Variants in THSD7B observed in about 807,000 individuals in gnomAD.
The protein encoded by THSD7B is thrombospondin type 1 domain containing 7B.
In THSD7B, 138 loss-of-function variants were observed where a neutral mutation model predicts 213.6. The ratio of observed to expected loss-of-function variants is 0.65; its 90% CI spans 0.56 to 0.74. The LOEUF is 0.74. Among genes scored for constraint, THSD7B ranks in the 30% least tolerant of loss-of-function variants. THSD7B has a pLI of 0.00. For synonymous variants in THSD7B, 742 were observed against 687.0 expected (o/e 1.08, Z -1.25); for missense variants, 1,931 against 1,991.5 (o/e 0.97, Z 0.58).
intron 7 of THSD7B, among the ~76,000 whole-genome samples, chr2:137,187,027 T>TA (rs1680564785): frequency 1.3e-5 from 2 of 148,550 alleles, no homozygotes; most frequent in Admixed American, 1.3e-4. Context: ...CTAGTGCCTT[T>TA]AAAAAATTAT....
At chr2:137,417,684 A>C (rs916225605) in intron 14 of THSD7B, among the ~76,000 whole-genome samples, 1 of 152,064 alleles carries the variant, frequency 6.6e-6, no homozygotes, top group African/African-American at 2.4e-5. Flanking sequence ...CCTCCCACCA[A>C]GGCCTCTCAA....
chr2:137,618,130 G>T (rs1248120496), intron 18 of THSD7B, among the ~76,000 whole-genome samples: 1 of 152,126 alleles, frequency 6.6e-6, no homozygotes, highest in Non-Finnish European at 1.5e-5. Context: ...ACTCCAGCCA[G>T]CCATGAGATG....
chr2:137,049,309 G>T lies in THSD7B; in HGVS notation c.140-7111G>T, dbSNP rs545427750. ...TAAATATGTTTTACCCAATGGCTTT[G>T]CAAGCCCCATTTGCTCAAGGGATAT... On this transcript the variant is annotated intron_variant, in intron 2 of 27. Transcript: ENST00000409968. Among the ~76,000 whole-genome samples, 7 of 148,060 alleles carry T rather than the reference G, an allele frequency of 4.7e-5. 1 individual carries two copies. In the South Asian group the frequency reaches 1.7e-3, roughly 35 times the overall value.
intron 1 of THSD7B, among the ~76,000 whole-genome samples, chr2:136,856,952 A>C (rs1683189000): frequency 6.6e-6 from 1 of 152,222 alleles, no homozygotes; most frequent in Non-Finnish European, 1.5e-5. Context: ...ACTTTTCTGA[A>C]GTTTAGTTAA....
chr2:136,830,996 T>C (rs993312211), intron 1 of THSD7B, among the ~76,000 whole-genome samples: 1 of 152,202 alleles, frequency 6.6e-6, no homozygotes, highest in East Asian at 1.9e-4. Flanking sequence ...TATAAATACA[T>C]AAAATGATAA....
chr2:136,996,839 A>G (rs1685900924), intron 2 of THSD7B, among the ~76,000 whole-genome samples: 1 of 152,230 alleles, frequency 6.6e-6, no homozygotes, highest in South Asian at 2.1e-4. Flanking sequence ...CTTTAATTTT[A>G]CTAATGAAAT....
At chr2:137,220,141 A>G (rs912287021) in intron 7 of THSD7B, among the ~76,000 whole-genome samples, 4 of 152,198 alleles carry the variant, frequency 2.6e-5, no homozygotes, top group Non-Finnish European at 5.9e-5. Flanking sequence ...GTATTTTTAA[A>G]TACAAACTGA....
At chr2:137,397,507 G>T (rs1686224047) in intron 12 of THSD7B, among the ~76,000 whole-genome samples, 1 of 151,612 alleles carries the variant, frequency 6.6e-6, no homozygotes, top group Admixed American at 6.6e-5. Flanking sequence ...CTCTCTTCTG[G>T]CTTGTAGGGT....
intron 7 of THSD7B, among the ~76,000 whole-genome samples, chr2:137,177,095 A>C (rs1047477740): frequency 6.6e-5 from 10 of 152,322 alleles, no homozygotes; most frequent in Admixed American, 2.0e-4. Context: ...ATGATATACT[A>C]TCTCATGAGA....
chr2:136,968,253 G>A (rs772225203), intron 2 of THSD7B, among the ~76,000 whole-genome samples: 4 of 152,052 alleles, frequency 2.6e-5, no homozygotes, highest in Non-Finnish European at 5.9e-5. Flanking sequence ...GTATTCCATA[G>A]GTTAGTAATT....
At chr2:137,189,232 A>G (rs148150337) in intron 7 of THSD7B, among the ~76,000 whole-genome samples, 1 of 152,298 alleles carries the variant, frequency 6.6e-6, no homozygotes, top group Non-Finnish European at 1.5e-5. Flanking sequence ...CCTTTTCACC[A>G]GAAGTGAGGG....
At chr2:137,385,134 GAGA>G (rs1354582473) in intron 12 of THSD7B, among the ~76,000 whole-genome samples, 2 of 152,276 alleles carry the variant, frequency 1.3e-5, no homozygotes, top group East Asian at 1.9e-4. Flanking sequence ...GCCATCTTGG[GAGA>G]AGAAGGGGAA....
chr2:137,361,413 G>C (rs895923742), intron 12 of THSD7B, among the ~76,000 whole-genome samples: 1 of 151,980 alleles, frequency 6.6e-6, no homozygotes. Context: ...GCTTCAGAAA[G>C]TCGGTAATGA....
intron 1 of THSD7B, among the ~76,000 whole-genome samples, chr2:136,806,126 C>G (rs1682277504): frequency 6.6e-6 from 1 of 152,216 alleles, no homozygotes; most frequent in South Asian, 2.1e-4. Flanking sequence ...AAAGTTGACT[C>G]TTGTTCTCTT....
chr2:137,258,667 T>G (rs1223789623), intron 10 of THSD7B, among the ~76,000 whole-genome samples: 2 of 149,986 alleles, frequency 1.3e-5, no homozygotes, highest in African/African-American at 4.9e-5. Context: ...ACCATGCTCT[T>G]TTTTTTTTTT....
intron 5 of THSD7B, among the ~76,000 whole-genome samples, chr2:137,119,428 C>T (rs927548912): frequency 6.6e-6 from 1 of 152,160 alleles, no homozygotes; most frequent in African/African-American, 2.4e-5. Context: ...TGGATGATTA[C>T]ATATCTAACA....
At chr2:137,006,399 A>AATACATACATACATACATAC (rs60604756) in intron 2 of THSD7B, among the ~76,000 whole-genome samples, 1 of 149,350 alleles carries the variant, frequency 6.7e-6, no homozygotes. Context: ...CGTCTCAAGA[A>AATACATACATACATACATAC]ATACATACAT....
At chr2:137,583,026 A>G (rs1250492659) in intron 17 of THSD7B, among the ~76,000 whole-genome samples, 3 of 152,054 alleles carry the variant, frequency 2.0e-5, no homozygotes, top group East Asian at 1.9e-4. Flanking sequence ...TTTGATGATC[A>G]CCATTCTAAC....
chr2:137,578,656 C>A (rs1158649136), intron 17 of THSD7B, among the ~76,000 whole-genome samples: 1 of 152,180 alleles, frequency 6.6e-6, no homozygotes, highest in East Asian at 1.9e-4. Flanking sequence ...ATGGAAGACA[C>A]CAGCCCCCAC....
Sources: gnomAD v4.1 joint callset for allele counts (sites outside exome capture counted in the v4.1 genomes callset) on GRCh38, gnomAD v4.1.1 for gene constraint, MANE v1.5 for transcripts, NCBI Gene and HGNC (gene_info 2026-07-23, HGNC 2026-07-21) for gene names.